Variants in NSUN6 observed in about 807,000 individuals in gnomAD.
The protein encoded by NSUN6 is tRNA (cytosine(72)-C(5))-methyltransferase NSUN6.
In NSUN6, 64 loss-of-function variants were observed where a neutral mutation model predicts 58.0. The observed-to-expected ratio is 1.10, with a 90% confidence interval of 0.90 to 1.36. The LOEUF (loss-of-function observed/expected upper bound fraction) is 1.36. NSUN6 is among the 40% of genes most tolerant of loss of function. NSUN6 has a pLI of 0.00. For synonymous variants in NSUN6, 231 were observed against 193.9 expected, an observed-to-expected ratio of 1.19 and a Z score of -1.59; for missense variants, 701 against 550.1, an observed-to-expected ratio of 1.27 and a Z score of -2.74.
intron 4 of NSUN6, 69 bp from the exon 5 acceptor site, chr10:18,614,682 G>C (rs1431024965): frequency 1.3e-6 from 1 of 759,926 alleles, no homozygotes. Context: ...AATTATTTGA[G>C]CTAGATCGGT....
At chr10:18,656,098 G>A (rs998497310), upstream of NSUN6, among the ~76,000 whole-genome samples, 1 of 152,172 alleles carries the variant, frequency 6.6e-6, no homozygotes. Flanking sequence ...ATTACTTACA[G>A]CATCAAAAAT....
intron 6 of NSUN6, among the ~76,000 whole-genome samples, chr10:18,608,202 G>A (rs2058107078): frequency 6.6e-6 from 1 of 152,188 alleles, no homozygotes; most frequent in African/African-American, 2.4e-5. Flanking sequence ...AGTCTGGACA[G>A]TATGAATCAC....
upstream of NSUN6, among the ~76,000 whole-genome samples, chr10:18,654,312 T>G (rs1223756220): frequency 6.6e-6 from 1 of 152,192 alleles, no homozygotes; most frequent in African/African-American, 2.4e-5. Flanking sequence ...TCTTCCAGGT[T>G]GCCTTTTTAT....
At position 18,594,105 on chromosome 10, in the gene NSUN6, C is replaced by T. The variant is rs915553159; in HGVS notation, c.777+2103G>A. ...AGCCCCACTACTTGGGAGACTGAGG[C>T]ATGAGAATCGCTCAAACCCGGGAGG... On this transcript the variant is annotated intron_variant, in intron 7 of 10. Transcript: ENST00000377304. Among the ~76,000 whole-genome samples the T allele has an allele frequency of 2.0e-5, 3 of 150,814 alleles. No homozygotes were observed. In the Admixed American group the frequency reaches 2.0e-4, roughly 10 times the overall value.
chr10:18,573,594 C>T (rs2131002354), intron 8 of NSUN6, among the ~76,000 whole-genome samples: 1 of 152,186 alleles, frequency 6.6e-6, no homozygotes, highest in South Asian at 2.1e-4. Flanking sequence ...AGTTGTCATC[C>T]CAGAACAAAT....
At chr10:18,628,019 T>C (rs955374700) in intron 3 of NSUN6, among the ~76,000 whole-genome samples, 2 of 152,180 alleles carry the variant, frequency 1.3e-5, no homozygotes, top group African/African-American at 4.8e-5. Flanking sequence ...TCTGATAGCT[T>C]TGAAGAGAGC....
At chr10:18,624,647 CAAA>C (rs10671283) in intron 3 of NSUN6, among the ~76,000 whole-genome samples, 4 of 77,068 alleles carry the variant, frequency 5.2e-5, no homozygotes, top group African/African-American at 5.3e-5. Context: ...GACTCTGTCT[CAAA>C]AAAAAAAAAA....
chr10:18,568,106 T>C (rs900794109), intron 8 of NSUN6, among the ~76,000 whole-genome samples: 6 of 151,440 alleles, frequency 4.0e-5, no homozygotes, highest in Non-Finnish European at 8.9e-5. Flanking sequence ...CACTCCATGC[T>C]CCATTCCATT....
chr10:18,548,511 T>A (rs1428579076), intron 9 of NSUN6, among the ~76,000 whole-genome samples: 3 of 152,216 alleles, frequency 2.0e-5, no homozygotes, highest in African/African-American at 7.2e-5. Flanking sequence ...TACCATTTTT[T>A]ATGCTGAAAA....
intron 5 of NSUN6, among the ~76,000 whole-genome samples, chr10:18,611,631 G>C (rs962130081): frequency 5.3e-5 from 8 of 152,158 alleles, no homozygotes; most frequent in Non-Finnish European, 1.2e-4. Flanking sequence ...CTGGGTTCAA[G>C]TGATCCTCCC....
upstream of NSUN6, chr10:18,651,620 G>A (rs1312690944): frequency 1.2e-4 from 117 of 986,412 alleles, no homozygotes; most frequent in Non-Finnish European, 1.3e-4. Context: ...ATTTCTCGGC[G>A]GAAAGTCGCT....
chr10:18,628,930 G>A (rs2058927439), intron 3 of NSUN6, among the ~76,000 whole-genome samples: 1 of 152,056 alleles, frequency 6.6e-6, no homozygotes, highest in Non-Finnish European at 1.5e-5. Flanking sequence ...CTCGAGAAGA[G>A]CAACTCCAAG....
intron 7 of NSUN6, among the ~76,000 whole-genome samples, chr10:18,592,131 G>C (rs529681626): frequency 6.6e-6 from 1 of 152,186 alleles, no homozygotes; most frequent in South Asian, 2.1e-4. Context: ...TTGCTACAAA[G>C]AGAATAAAAT....
intron 8 of NSUN6, among the ~76,000 whole-genome samples, chr10:18,579,824 A>G (rs1216581182): frequency 1.3e-5 from 2 of 152,168 alleles, no homozygotes; most frequent in East Asian, 1.9e-4. Context: ...GTCTGCCTCA[A>G]TAAATCTGCA....
chr10:18,656,959 C>T (rs987864655), upstream of NSUN6, among the ~76,000 whole-genome samples: 2 of 151,218 alleles, frequency 1.3e-5, no homozygotes, highest in African/African-American at 4.9e-5. Context: ...CCTCATTAGT[C>T]GGGACTACAC....
upstream of NSUN6, chr10:18,652,443 A>C: frequency 1.0e-6 from 1 of 984,038 alleles, no homozygotes; most frequent in Non-Finnish European, 1.2e-6. Context: ...AATTATACAC[A>C]CAGACACACA....
At chr10:18,561,406 C>A (rs1237733629) in intron 8 of NSUN6, among the ~76,000 whole-genome samples, 1 of 67,024 alleles carries the variant, frequency 1.5e-5, no homozygotes, top group Non-Finnish European at 3.0e-5. Flanking sequence ...GAATGGAATG[C>A]AGAATGGAAT....
chr10:18,630,441 C>T (rs1276042540), intron 3 of NSUN6, among the ~76,000 whole-genome samples: 2 of 152,010 alleles, frequency 1.3e-5, no homozygotes, highest in African/African-American at 4.8e-5. Context: ...ACAAAAAATG[C>T]TTCAAAAAAT....
intron 3 of NSUN6, among the ~76,000 whole-genome samples, chr10:18,630,084 C>T (rs2058972017): frequency 7.0e-6 from 1 of 143,358 alleles, no homozygotes; most frequent in Non-Finnish European, 1.5e-5. Flanking sequence ...CAAACTAGAA[C>T]TCAGGATTAA....
Sources: allele counts gnomAD v4.1 joint callset (sites outside exome capture counted in the v4.1 genomes callset), GRCh38; gene constraint gnomAD v4.1.1; transcripts MANE v1.5; gene names NCBI Gene and HGNC (gene_info 2026-07-23, HGNC 2026-07-21).